Variants in CUX2 observed in about 807,000 individuals in gnomAD.
CUX2 encodes homeobox protein cut-like 2.
CUX2 carries 40 observed loss-of-function variants against 144.8 expected under a neutral mutation model. The ratio of observed to expected loss-of-function variants is 0.28; its 90% CI spans 0.21 to 0.36. The LOEUF (loss-of-function observed/expected upper bound fraction) is 0.36, where lower values mean the gene tolerates loss of function less well. Ranked by LOEUF, CUX2 falls within the 10% of genes least tolerant of loss-of-function variation. The probability of loss-of-function intolerance (pLI) is 1.00; values close to 1 mark genes in which losing one functional copy is unlikely to be tolerated. For synonymous variants in CUX2, 827 were observed against 875.6 expected, an observed-to-expected ratio of 0.94 and a Z score of 0.98; for missense variants, 1,615 against 1,994.0, an observed-to-expected ratio of 0.81 and a Z score of 3.62.
intron 1 of CUX2, among the ~76,000 whole-genome samples, chr12:111,139,534 A>G (rs1405315399): frequency 6.6e-6 from 1 of 152,072 alleles, no homozygotes; most frequent in East Asian, 1.9e-4. Context: ...ATACTTTCCA[A>G]CCCCTCAGAG....
At chr12:111,119,316 A>G (rs1297333712) in intron 1 of CUX2, among the ~76,000 whole-genome samples, 1 of 152,144 alleles carries the variant, frequency 6.6e-6, no homozygotes, top group Non-Finnish European at 1.5e-5. Flanking sequence ...AAATCTATGT[A>G]CATTGGCTAG....
chr12:111,138,932 C>A (rs1162533253), intron 1 of CUX2, among the ~76,000 whole-genome samples: 3 of 152,024 alleles, frequency 2.0e-5, no homozygotes, highest in African/African-American at 7.3e-5. Flanking sequence ...AGCTCCTCTC[C>A]TGCCCCCACC....
At chr12:111,254,474 T>C (rs1053560952) in intron 3 of CUX2, among the ~76,000 whole-genome samples, 1 of 152,186 alleles carries the variant, frequency 6.6e-6, no homozygotes, top group African/African-American at 2.4e-5. Context: ...GCCTCAGAGC[T>C]CAAGCTCTGA....
intron 4 of CUX2, among the ~76,000 whole-genome samples, chr12:111,279,553 T>A (rs1322799655): frequency 3.3e-5 from 5 of 152,236 alleles, no homozygotes; most frequent in Admixed American, 6.5e-5. Flanking sequence ...CCAGGTGTGG[T>A]GGCTCATGCC....
At chr12:111,116,886 G>A (rs977546018) in intron 1 of CUX2, among the ~76,000 whole-genome samples, 1 of 152,146 alleles carries the variant, frequency 6.6e-6, no homozygotes, top group African/African-American at 2.4e-5. Flanking sequence ...GAACATTCTG[G>A]TAAAGCAAGG....
intron 1 of CUX2, chr12:111,099,347 T>A (rs1050469152): frequency 7.7e-5 from 27 of 349,548 alleles, no homozygotes; most frequent in South Asian, 6.0e-4. Flanking sequence ...CCAGAGGCAG[T>A]GCTGCATTTT....
In CUX2 at chr12:111,242,925, C is replaced by T. The variant is rs996859229; in HGVS notation, c.223-20836C>T. 2.0e-5 allele frequency among the ~76,000 whole-genome samples: 3 copies of T among 152,182 alleles called. No individual in the cohort carries two copies. In the South Asian group the frequency reaches 6.2e-4, roughly 32 times the overall value. The stretch of plus-strand genomic sequence containing the variant: ...GTGTCCATGTGTTCTCATTGTTCAA[C>T]TCCCACTTACGAGTGTGAACATGAG... On this transcript the variant is annotated intron_variant, in intron 3 of 21. Coordinates refer to ENST00000261726, the MANE Select transcript of CUX2 (RefSeq NM_015267.4).
In CUX2 at chr12:111,310,788, A is replaced by C; in HGVS notation, c.1900+106A>C. 1 of 1,307,320 alleles carries C rather than the reference A, an allele frequency of 7.6e-7. No individual in the cohort carries two copies. Among genetic ancestry groups the C allele is most frequent in the Non-Finnish European group, 1.0e-6 (1 of 977,044 alleles). 81.0% of individuals were successfully genotyped at this position (1,307,320 alleles called of 1,614,324 possible). On this transcript the variant is annotated intron_variant, in intron 15 of 21. Coordinates refer to ENST00000261726, the MANE Select transcript of CUX2 (RefSeq NM_015267.4). The surrounding 1 kb of genome is among the most constrained non-coding windows in gnomAD (Gnocchi z 7.9). ...TCTGGGTTCAAAGCCCAGCTCTACCACCACCTGGCTGTGTGACCCAGGGCC... is the reference window on the plus strand; with the variant it reads ...TCTGGGTTCAAAGCCCAGCTCTACCCCCACCTGGCTGTGTGACCCAGGGCC...
At position 111,037,994 on chromosome 12, in the gene CUX2, G is replaced by T. The variant is rs574061765; in HGVS notation, c.63+3754G>T. On this transcript the variant is annotated intron_variant, in intron 1 of 21. Coordinates refer to ENST00000261726, the MANE Select transcript of CUX2 (RefSeq NM_015267.4). This position sits in a 1 kb window ranked among gnomAD's most constrained non-coding sequence, Gnocchi z 5.4. ...GAGGAAGGGGCAAATTCTGCTTCGGGTGTCAGCAGTTGGGAGAAAGATCAA... is the reference window on the plus strand; with the variant it reads ...GAGGAAGGGGCAAATTCTGCTTCGGTTGTCAGCAGTTGGGAGAAAGATCAA... Among the ~76,000 whole-genome samples, 99 of 152,304 alleles carry T rather than the reference G, an allele frequency of 6.5e-4. No individual in the cohort carries two copies. Among genetic ancestry groups the T allele is most frequent in the Admixed American group, 1.8e-3 (28 of 15,300 alleles).
intron 1 of CUX2, among the ~76,000 whole-genome samples, chr12:111,046,168 C>CGCTG (rs1296137514): frequency 6.6e-6 from 1 of 152,224 alleles, no homozygotes; most frequent in Non-Finnish European, 1.5e-5. Context: ...CAGCCAGGTG[C>CGCTG]GCTGGCTCTT....
At chr12:111,260,746 AG>A (rs997393370) in intron 3 of CUX2, among the ~76,000 whole-genome samples, 8 of 152,146 alleles carry the variant, frequency 5.3e-5, no homozygotes, top group Non-Finnish European at 1.0e-4. Context: ...AAGGGAAAGT[AG>A]GGGGTGCTCT....
chr12:111,062,172 C>T (rs1870808428), intron 1 of CUX2, among the ~76,000 whole-genome samples: 1 of 152,176 alleles, frequency 6.6e-6, no homozygotes, highest in Admixed American at 6.5e-5. Context: ...ATGTGGGTGG[C>T]ACCTTCCCAT....
intron 1 of CUX2, among the ~76,000 whole-genome samples, chr12:111,042,595 T>C (rs1162470391): frequency 6.6e-6 from 1 of 152,170 alleles, no homozygotes; most frequent in Non-Finnish European, 1.5e-5. Flanking sequence ...ATGGGGATAA[T>C]AGTAGTAGCC....
chr12:111,080,324 T>C (rs1012431064), intron 1 of CUX2, among the ~76,000 whole-genome samples: 4 of 152,148 alleles, frequency 2.6e-5, no homozygotes, highest in Non-Finnish European at 5.9e-5. Flanking sequence ...CTTAACATGA[T>C]TGAACATTTA....
intron 3 of CUX2, among the ~76,000 whole-genome samples, chr12:111,224,171 T>C (rs963954773): frequency 6.6e-6 from 1 of 152,022 alleles, no homozygotes; most frequent in Non-Finnish European, 1.5e-5. Context: ...GGACAGACCA[T>C]TCCCCCGTCC....
intron 7 of CUX2, 140 bp from the exon 8 acceptor site, chr12:111,296,333 T>C: frequency 1.5e-6 from 1 of 675,584 alleles, no homozygotes; most frequent in East Asian, 2.8e-5. Context: ...CAGTTCTGAC[T>C]GAGAGAAAGA....
intron 1 of CUX2, among the ~76,000 whole-genome samples, chr12:111,114,576 A>T (rs1235922369): frequency 6.6e-6 from 1 of 152,192 alleles, no homozygotes; most frequent in Non-Finnish European, 1.5e-5. Context: ...GCAGGTAAAG[A>T]TGCTGCAGCC....
intron 1 of CUX2, among the ~76,000 whole-genome samples, chr12:111,156,982 T>A (rs1216424416): frequency 2.6e-5 from 1 of 38,626 alleles, no homozygotes. Context: ...GCAAAACTTC[T>A]CTCAAAAAAA....
intron 1 of CUX2, among the ~76,000 whole-genome samples, chr12:111,060,544 C>G (rs1239134919): frequency 1.3e-5 from 2 of 152,238 alleles, no homozygotes; most frequent in South Asian, 2.1e-4. Context: ...CTTCTTGACT[C>G]TTGTCACAAG....
Sources: gnomAD v4.1 joint callset for allele counts (sites outside exome capture counted in the v4.1 genomes callset) on GRCh38, gnomAD v4.1.1 for gene constraint, Gnocchi (gnomAD v3.1) non-coding constraint, MANE v1.5 for transcripts, NCBI Gene and HGNC (gene_info 2026-07-23, HGNC 2026-07-21) for gene names.